Variants in IL12B observed in about 807,000 individuals in gnomAD.
IL12B encodes the protein interleukin-12 subunit beta.
In IL12B, 27 loss-of-function variants were observed where a neutral mutation model predicts 39.2. That is an observed-to-expected ratio of 0.69 (90% CI 0.51 to 0.95). The LOEUF (loss-of-function observed/expected upper bound fraction) is 0.95. Among genes scored for constraint, IL12B ranks in the 40% least tolerant of loss-of-function variants. IL12B has a pLI of 0.00. For missense variants in IL12B, 351 were observed against 397.6 expected (o/e 0.88, Z 1.00); for synonymous variants, 142 against 152.1 (o/e 0.93, Z 0.49).
At chr5:159,322,556 C>T (rs1754111041) in intron 3 of IL12B, 45 bp from the exon 4 acceptor site, 1 of 1,292,504 alleles carries the variant, frequency 7.7e-7, no homozygotes, top group African/African-American at 1.5e-5. Flanking sequence ...GAGTTTTTTG[C>T]AGAAAGGTTT....
At chr5:159,322,240 C>G (rs1426256941) in intron 4 of IL12B, among the ~76,000 whole-genome samples, 154 bp downstream of exon 4, 2 of 152,276 alleles carry the variant, frequency 1.3e-5, no homozygotes, top group East Asian at 3.9e-4. Context: ...CATGTTCTTT[C>G]TTCAATGTAG....
At chr5:159,316,857 A>G (rs978311869) in intron 6 of IL12B, 41 bp from the exon 7 acceptor site, 7 of 1,611,848 alleles carry the variant, frequency 4.3e-6, no homozygotes, top group Admixed American at 3.3e-5. Flanking sequence ...CCTTGGCAAC[A>G]TAGTCACAGG....
intron 1 of IL12B, 135 bp from the exon 2 acceptor site, chr5:159,326,917 A>T (rs1754201006): frequency 2.9e-6 from 2 of 691,026 alleles, no homozygotes; most frequent in Non-Finnish European, 2.6e-6. Flanking sequence ...CTTTTTTTTT[A>T]AATAAAATCT....
Position 159,316,802 on chromosome 5 carries a change from G to A in IL12B, c.870C>T (p.Phe290=), listed in dbSNP as rs139163137. The change falls in exon 7 of 8, where the codon TTC becomes TTT. Residue 290 remains phenylalanine, a synonymous_variant. Coordinates refer to ENST00000231228, the MANE Select transcript of IL12B (RefSeq NM_002187.3). ...TGACCGTGGCTGAGGTCTTGTCCGTGAAGACTCTATCTTTCTGCAAAAGAG... is the reference window on the plus strand; with the variant it reads ...TGACCGTGGCTGAGGTCTTGTCCGTAAAGACTCTATCTTTCTGCAAAAGAG... ...KSKREKKDRV[F]TDKTSATVIC... The A allele has an allele frequency of 2.3e-5, 37 of 1,613,890 alleles. No individual in the cohort carries two copies. The highest frequency in any genetic ancestry group is 3.0e-5 in the Non-Finnish European group (35 of 1,180,032).
At chr5:159,328,467 G>A (rs2546892) in intron 1 of IL12B, among the ~76,000 whole-genome samples, 19,766 of 152,138 alleles carry the variant, frequency 0.13, 1,520 homozygotes, top group East Asian at 0.17. Flanking sequence ...TATCTCAAAG[G>A]CTTGTTGGGA....
intron 1 of IL12B, among the ~76,000 whole-genome samples, chr5:159,329,819 TC>T (rs971710614): frequency 2.6e-5 from 4 of 152,122 alleles, no homozygotes; most frequent in African/African-American, 9.7e-5. Flanking sequence ...AACCTTTTTT[TC>T]CCCCTTCTCA....
chr5:159,320,382 G>A lies in IL12B; in HGVS notation c.621C>T (p.Pro207=), dbSNP rs1347609559. The change falls in exon 5 of 8, where the codon CCC becomes CCT. Residue 207 remains proline, a synonymous_variant. Coordinates refer to ENST00000231228, the MANE Select transcript of IL12B (RefSeq NM_002187.3). ...SACPAAEESL[P]IEVMVDAVHK... ...GAACGGCATCCACCATGACCTCAATGGGCAGACTCTCCTCAGCAGCTGGGC... is the reference window on the plus strand; with the variant it reads ...GAACGGCATCCACCATGACCTCAATAGGCAGACTCTCCTCAGCAGCTGGGC... 1.9e-6 allele frequency: 3 copies of A among 1,613,972 alleles called. No homozygotes were observed. The African/African-American group carries it at 4.0e-5, about 22-fold the overall frequency.
intron 1 of IL12B, among the ~76,000 whole-genome samples, chr5:159,328,015 A>G (rs976592802): frequency 1.3e-5 from 2 of 152,184 alleles, no homozygotes; most frequent in African/African-American, 4.8e-5. Context: ...TTTAAACTAT[A>G]TGAAGGGCAA....
At chr5:159,323,902 G>GGA (rs1554157138) in intron 2 of IL12B, among the ~76,000 whole-genome samples, 2 of 138,232 alleles carry the variant, frequency 1.4e-5, no homozygotes, top group African/African-American at 5.2e-5. Flanking sequence ...AGGATTAAAT[G>GGA]AAAAAAAAAA....
chr5:159,327,591 A>G (rs1754213453), intron 1 of IL12B, among the ~76,000 whole-genome samples: 1 of 152,078 alleles, frequency 6.6e-6, no homozygotes, highest in South Asian at 2.1e-4. Flanking sequence ...GCTGAGTCCC[A>G]CCCCCAGAGT....
chr5:159,316,877 G>A lies in IL12B; in HGVS notation c.856-61C>T. ...GCAACATAGTCACAGGGTAAGCTGA[G>A]CCTGTTTCTGCAATGCATACTCTCC... On this transcript the variant is annotated intron_variant, in intron 6 of 7. Coordinates refer to ENST00000231228, the MANE Select transcript of IL12B (RefSeq NM_002187.3). 4 of 1,588,190 alleles carry A rather than the reference G, an allele frequency of 2.5e-6. No homozygotes were observed. The African/African-American group carries it at 4.0e-5, about 16-fold the overall frequency.
intron 2 of IL12B, chr5:159,325,445 A>G (rs1042591527): frequency 6.6e-6 from 1 of 152,216 alleles, no homozygotes; most frequent in Admixed American, 6.5e-5. Flanking sequence ...CCATTTCAAG[A>G]TGGTACTTTC....
rs1161516624 is a variant in IL12B at position 159,318,738 on chromosome 5, T to C, written c.853A>G (p.Lys285Glu). The C allele has an allele frequency of 1.9e-6, 3 of 1,614,036 alleles. No individual in the cohort carries two copies. The African/African-American group carries it at 4.0e-5, about 22-fold the overall frequency. ...ACTGCACCTGAATCACTTCTTACCT[T>C]TTCTCTCTTGCTCTTGCCCTGGACC... The part of the protein sequence containing the change: ...VQVQGKSKRE[K>E]KDRVFTDKTS... Residue 285 changes from lysine to glutamate, a missense_variant and splice_region_variant, in exon 6 of 8, where the codon AAG becomes GAG. Transcript: ENST00000231228.
intron 4 of IL12B, among the ~76,000 whole-genome samples, chr5:159,321,383 ACACAT>A (rs199993690): frequency 0.016 from 2,454 of 151,118 alleles, 72 homozygotes; most frequent in African/African-American, 0.057. Context: ...ACACACACAC[ACACAT>A]ATGTATACAC....
chr5:159,327,170 G>A (rs1754205048), intron 1 of IL12B, among the ~76,000 whole-genome samples: 1 of 152,166 alleles, frequency 6.6e-6, no homozygotes, highest in South Asian at 2.1e-4. Context: ...TTTATTTAGT[G>A]CTTACTACAT....
chr5:159,316,598 T>A (rs983054611), intron 7 of IL12B, 87 bp downstream of exon 7: 14 of 1,437,114 alleles, frequency 9.7e-6, no homozygotes, highest in East Asian at 2.4e-5. Flanking sequence ...CATCCCCCTT[T>A]CCTCTCCAAC....
At position 159,323,439 on chromosome 5, in the gene IL12B, A is replaced by G. The variant is rs41357544; in HGVS notation, c.89-110T>C. On this transcript the variant is annotated intron_variant, in intron 2 of 7. Coordinates refer to ENST00000231228, the MANE Select transcript of IL12B (RefSeq NM_002187.3). ...TTGCCTAAACACAACCTTGTTTACA[A>G]CAAGTATTTGGCAAATGCTTGCTGA... 7.7e-6 allele frequency: 8 copies of G among 1,037,832 alleles called. 1 individual carries two copies. The South Asian group carries it at 1.1e-4, about 14-fold the overall frequency. 64.3% of individuals were successfully genotyped at this position (1,037,832 alleles called of 1,614,324 possible). A position where few individuals can be genotyped will look rare whatever the true frequency, so the allele number is the denominator to read the frequency against.
At chr5:159,322,832 C>T (rs974698190) in intron 3 of IL12B, among the ~76,000 whole-genome samples, 1 of 152,192 alleles carries the variant, frequency 6.6e-6, no homozygotes, top group Non-Finnish European at 1.5e-5. Context: ...AGCATTCAGA[C>T]TGATCATGAA....
intron 4 of IL12B, among the ~76,000 whole-genome samples, chr5:159,321,865 C>T (rs1053739886): frequency 5.0e-4 from 76 of 152,186 alleles, no homozygotes; most frequent in African/African-American, 1.7e-3. Context: ...TGCTTTCTTA[C>T]GGAAAGTCCA....
Sources: allele counts gnomAD v4.1 joint callset (sites outside exome capture counted in the v4.1 genomes callset), GRCh38; gene constraint gnomAD v4.1.1; transcripts MANE v1.5; gene names NCBI Gene and HGNC (gene_info 2026-07-23, HGNC 2026-07-21).